Variants in FHIT observed in about 807,000 individuals in gnomAD.
FHIT encodes the protein fragile histidine triad diadenosine triphosphatase.
Under a neutral mutation model 17.9 loss-of-function variants are expected in FHIT, and 19 were observed. The observed-to-expected ratio is 1.06, with a 90% confidence interval of 0.74 to 1.56. FHIT has a LOEUF of 1.56. FHIT is among the 40% of genes most tolerant of loss of function. FHIT has a pLI of 0.00. For synonymous variants in FHIT, 81 were observed against 69.7 expected, an observed-to-expected ratio of 1.16 and a Z score of -0.81; for missense variants, 248 against 189.2, an observed-to-expected ratio of 1.31 and a Z score of -1.82.
intron 5 of FHIT, among the ~76,000 whole-genome samples, chr3:60,343,611 C>G (rs990498082): frequency 1.3e-5 from 2 of 152,046 alleles, no homozygotes; most frequent in Non-Finnish European, 2.9e-5. Flanking sequence ...GCCATCATGC[C>G]CTTTGAAACC....
At chr3:61,232,484 T>C (rs2040131195) in intron 1 of FHIT, among the ~76,000 whole-genome samples, 1 of 152,290 alleles carries the variant, frequency 6.6e-6, no homozygotes, top group African/African-American at 2.4e-5. Context: ...TAATTTCCCA[T>C]ATATGCCCAC....
At chr3:60,593,483 G>C (rs2038159124) in intron 4 of FHIT, among the ~76,000 whole-genome samples, 1 of 152,092 alleles carries the variant, frequency 6.6e-6, no homozygotes, top group Non-Finnish European at 1.5e-5. Context: ...TCACAGCCAG[G>C]ATTTCACCCC....
chr3:60,720,450 A>C (rs2107962154), intron 4 of FHIT, among the ~76,000 whole-genome samples: 1 of 152,296 alleles, frequency 6.6e-6, no homozygotes, highest in African/African-American at 2.4e-5. Flanking sequence ...AAACCTGTAA[A>C]TCATTTAGCA....
chr3:61,059,026 T>A (rs2034329428), intron 2 of FHIT, among the ~76,000 whole-genome samples: 1 of 152,212 alleles, frequency 6.6e-6, no homozygotes, highest in African/African-American at 2.4e-5. Flanking sequence ...TGGGAACTGC[T>A]GGTCACATAA....
At chr3:60,586,879 A>T (rs1033126778) in intron 4 of FHIT, among the ~76,000 whole-genome samples, 1 of 152,026 alleles carries the variant, frequency 6.6e-6, no homozygotes, top group Admixed American at 6.6e-5. Flanking sequence ...GAGCAAAAAA[A>T]ATAACTATTA....
intron 5 of FHIT, among the ~76,000 whole-genome samples, chr3:60,281,868 T>C (rs1707473444): frequency 1.3e-5 from 2 of 152,130 alleles, no homozygotes; most frequent in South Asian, 4.1e-4. Context: ...CAAAAAATAC[T>C]GTTAAGAGAA....
At chr3:61,017,743 G>A (rs1002986661) in intron 3 of FHIT, among the ~76,000 whole-genome samples, 9 of 152,168 alleles carry the variant, frequency 5.9e-5, no homozygotes, top group Admixed American at 5.9e-4. Flanking sequence ...GCAATGAGGA[G>A]GGGCATTATC....
chr3:60,629,931 C>T (rs781898967), intron 4 of FHIT, among the ~76,000 whole-genome samples: 2 of 152,162 alleles, frequency 1.3e-5, no homozygotes, highest in Non-Finnish European at 2.9e-5. Flanking sequence ...GCTAGCCTGA[C>T]ACTTGATAGC....
At chr3:61,100,818 G>A (rs1269300828) in intron 2 of FHIT, among the ~76,000 whole-genome samples, 1 of 152,190 alleles carries the variant, frequency 6.6e-6, no homozygotes, top group Non-Finnish European at 1.5e-5. Context: ...CAGTGATGAT[G>A]AGCATTTTTT....
chr3:59,964,309 G>A (rs1707822858), intron 7 of FHIT, among the ~76,000 whole-genome samples: 1 of 152,110 alleles, frequency 6.6e-6, no homozygotes, highest in Non-Finnish European at 1.5e-5. Context: ...TTTCAGATAT[G>A]ACATGCCATT....
intron 4 of FHIT, among the ~76,000 whole-genome samples, chr3:60,781,714 T>C (rs1553725738): frequency 6.6e-6 from 1 of 152,170 alleles, no homozygotes; most frequent in Admixed American, 6.5e-5. Context: ...TTAGGGAAGC[T>C]TAAGGTCTTC....
intron 5 of FHIT, among the ~76,000 whole-genome samples, chr3:60,399,086 A>G (rs1195888248): frequency 6.6e-6 from 1 of 152,186 alleles, no homozygotes; most frequent in African/African-American, 2.4e-5. Context: ...TGTGCTTTCT[A>G]TCAGCTTTTT....
intron 3 of FHIT, among the ~76,000 whole-genome samples, chr3:60,993,238 CA>C (rs2030400245): frequency 1.3e-5 from 2 of 152,296 alleles, no homozygotes; most frequent in Admixed American, 1.3e-4. Context: ...CCAGTTTTCA[CA>C]AAGTAATAAC....
At chr3:61,029,811 G>T (rs183559147) in intron 3 of FHIT, among the ~76,000 whole-genome samples, 1 of 152,228 alleles carries the variant, frequency 6.6e-6, no homozygotes, top group East Asian at 1.9e-4. Flanking sequence ...AAGAGGAACT[G>T]CTTGGTCTAT....
intron 5 of FHIT, among the ~76,000 whole-genome samples, chr3:60,033,390 A>G (rs1701082856): frequency 6.6e-6 from 1 of 151,962 alleles, no homozygotes. Flanking sequence ...GCTACTCAGG[A>G]GGTTGAGGCA....
At chr3:61,186,947 T>G (rs911915657) in intron 2 of FHIT, among the ~76,000 whole-genome samples, 1 of 152,186 alleles carries the variant, frequency 6.6e-6, no homozygotes, top group Non-Finnish European at 1.5e-5. Flanking sequence ...TTTTGCCTCT[T>G]GATGTTTCCT....
At chr3:60,019,968 C>A (rs929507693) in intron 5 of FHIT, among the ~76,000 whole-genome samples, 2 of 152,124 alleles carry the variant, frequency 1.3e-5, no homozygotes. Context: ...TCTCCTTTAA[C>A]CAAAGTGTCC....
At chr3:60,419,029 T>C (rs1404278647) in intron 5 of FHIT, among the ~76,000 whole-genome samples, 1 of 152,180 alleles carries the variant, frequency 6.6e-6, no homozygotes, top group Non-Finnish European at 1.5e-5. Flanking sequence ...CTTCATCATC[T>C]TCACAACTAG....
intron 4 of FHIT, among the ~76,000 whole-genome samples, chr3:60,787,285 G>A (rs975356975): frequency 6.6e-6 from 1 of 152,152 alleles, no homozygotes. Context: ...CCCTGCTCCA[G>A]CTTTTTACAC....
Sources: gnomAD v4.1 joint callset for allele counts (sites outside exome capture counted in the v4.1 genomes callset) on GRCh38, gnomAD v4.1.1 for gene constraint, MANE v1.5 for transcripts, NCBI Gene and HGNC (gene_info 2026-07-23, HGNC 2026-07-21) for gene names.